Variants in GPC5 observed in about 807,000 individuals in gnomAD.
The protein encoded by GPC5 is glypican 5.
In GPC5, 47 loss-of-function variants were observed where a neutral mutation model predicts 53.9. The observed-to-expected ratio is 0.87, with a 90% CI of 0.69 to 1.11. GPC5 has a LOEUF of 1.11. Ranked by LOEUF, GPC5 falls within the 50% of genes most tolerant of loss-of-function variation. The probability of loss-of-function intolerance (pLI) is 0.00; values close to 1 mark genes in which losing one functional copy is unlikely to be tolerated. For missense variants in GPC5, 748 were observed against 713.1 expected (o/e 1.05, Z -0.56); for synonymous variants, 286 against 263.3 (o/e 1.09, Z -0.84).
intron 2 of GPC5, among the ~76,000 whole-genome samples, chr13:91,558,105 G>A (rs2031057660): frequency 6.6e-6 from 1 of 152,134 alleles, no homozygotes; most frequent in Non-Finnish European, 1.5e-5. Flanking sequence ...TACAGAATAG[G>A]AAAGGAATTG....
chr13:92,531,346 T>C (rs187904287), intron 7 of GPC5, among the ~76,000 whole-genome samples: 13 of 152,116 alleles, frequency 8.5e-5, no homozygotes, highest in South Asian at 2.1e-4. Context: ...TTTTAGGATA[T>C]ACTACTTTTA....
chr13:92,549,317 T>C (rs1256388554), intron 7 of GPC5, among the ~76,000 whole-genome samples: 1 of 152,144 alleles, frequency 6.6e-6, no homozygotes, highest in African/African-American at 2.4e-5. Flanking sequence ...CTAACAGAGA[T>C]AGAAAACCTT....
At chr13:91,522,285 A>C (rs1393836351) in intron 2 of GPC5, among the ~76,000 whole-genome samples, 1 of 152,208 alleles carries the variant, frequency 6.6e-6, no homozygotes, top group Non-Finnish European at 1.5e-5. Flanking sequence ...TCCTGTGACC[A>C]GTCCCTATCC....
chr13:92,618,435 T>C (rs1385811323), intron 7 of GPC5, among the ~76,000 whole-genome samples: 1 of 152,034 alleles, frequency 6.6e-6, no homozygotes, highest in Non-Finnish European at 1.5e-5. Context: ...TTACAAAGTA[T>C]ATAGTTAACT....
At chr13:92,384,788 C>G (rs529371434) in intron 7 of GPC5, among the ~76,000 whole-genome samples, 2 of 152,092 alleles carry the variant, frequency 1.3e-5, no homozygotes, top group African/African-American at 4.8e-5. Context: ...CTTCTTTCAC[C>G]CGTGTGCCAT....
At chr13:92,393,977 A>G (rs1875141736) in intron 7 of GPC5, among the ~76,000 whole-genome samples, 1 of 152,142 alleles carries the variant, frequency 6.6e-6, no homozygotes, top group Non-Finnish European at 1.5e-5. Context: ...CAAAAAACGT[A>G]TGTAGTAGAG....
intron 7 of GPC5, among the ~76,000 whole-genome samples, chr13:92,411,375 A>G (rs1425182527): frequency 6.6e-6 from 1 of 152,256 alleles, no homozygotes; most frequent in East Asian, 1.9e-4. Context: ...CATCCATTCA[A>G]AAACATTTGC....
intron 5 of GPC5, among the ~76,000 whole-genome samples, chr13:91,880,788 G>T (rs1328009853): frequency 6.6e-6 from 1 of 151,386 alleles, no homozygotes; most frequent in African/African-American, 2.4e-5. Flanking sequence ...TTTGTTTGGG[G>T]TTTTTTGTTT....
chr13:92,285,555 G>A (rs2042948105), intron 7 of GPC5, among the ~76,000 whole-genome samples: 2 of 152,020 alleles, frequency 1.3e-5, no homozygotes, highest in Non-Finnish European at 2.9e-5. Flanking sequence ...ATAGACCAAT[G>A]GAACAGAACA....
At chr13:91,569,358 G>A (rs1459414120) in intron 2 of GPC5, among the ~76,000 whole-genome samples, 1 of 151,948 alleles carries the variant, frequency 6.6e-6, no homozygotes, top group Non-Finnish European at 1.5e-5. Flanking sequence ...TTTGTCATTG[G>A]CTGCAACAAG....
chr13:91,880,230 C>T (rs1404895774), intron 5 of GPC5, among the ~76,000 whole-genome samples: 2 of 151,874 alleles, frequency 1.3e-5, no homozygotes, highest in South Asian at 2.1e-4. Flanking sequence ...TAGTGAAACA[C>T]GTATTTAACT....
intron 5 of GPC5, among the ~76,000 whole-genome samples, chr13:91,847,672 T>G (rs1033149334): frequency 1.3e-5 from 2 of 152,188 alleles, no homozygotes; most frequent in African/African-American, 4.8e-5. Flanking sequence ...TAGTAAATAT[T>G]ACAGGAAGAG....
At chr13:92,809,519 A>G (rs975039994) in intron 7 of GPC5, among the ~76,000 whole-genome samples, 5 of 152,202 alleles carry the variant, frequency 3.3e-5, no homozygotes, top group African/African-American at 1.2e-4. Context: ...ACTCAGACCC[A>G]GGTCTTCTAA....
At chr13:91,852,498 C>G (rs1173514770) in intron 5 of GPC5, among the ~76,000 whole-genome samples, 2 of 149,450 alleles carry the variant, frequency 1.3e-5, no homozygotes, top group Non-Finnish European at 3.0e-5. Flanking sequence ...TTTTTTTTCT[C>G]TTCTTATAGA....
At chr13:92,814,676 A>T (rs1465873229) in intron 7 of GPC5, among the ~76,000 whole-genome samples, 3 of 151,632 alleles carry the variant, frequency 2.0e-5, no homozygotes, top group African/African-American at 7.3e-5. Context: ...AAAAAATAAA[A>T]AATAAAAAAT....
intron 1 of GPC5, among the ~76,000 whole-genome samples, chr13:91,433,037 G>T (rs1286637261): frequency 6.6e-6 from 1 of 152,108 alleles, no homozygotes; most frequent in East Asian, 1.9e-4. Flanking sequence ...GAAGACAAAG[G>T]TGGTTCTTAT....
At chr13:92,292,764 T>C (rs184557379) in intron 7 of GPC5, among the ~76,000 whole-genome samples, 8 of 152,254 alleles carry the variant, frequency 5.3e-5, no homozygotes, top group Admixed American at 3.9e-4. Context: ...TAGAAGTTTT[T>C]CCAATGTTAT....
intron 7 of GPC5, among the ~76,000 whole-genome samples, chr13:92,756,280 AC>A (rs1315790052): frequency 1.4e-4 from 21 of 151,922 alleles, no homozygotes; most frequent in Non-Finnish European, 2.9e-5. Context: ...AAATTCAACA[AC>A]CCTTCATGCT....
At chr13:92,516,604 G>T (rs1269316566) in intron 7 of GPC5, among the ~76,000 whole-genome samples, 4 of 152,264 alleles carry the variant, frequency 2.6e-5, no homozygotes, top group African/African-American at 9.6e-5. Context: ...GTTTCTGAGT[G>T]CCCTTTTTCA....
Sources: gnomAD v4.1 joint callset for allele counts (sites outside exome capture counted in the v4.1 genomes callset) on GRCh38, gnomAD v4.1.1 for gene constraint, MANE v1.5 for transcripts, NCBI Gene and HGNC (gene_info 2026-07-23, HGNC 2026-07-21) for gene names.